The following CD9 variants were observed in gnomAD, a reference collection of about 807,000 sequenced individuals.
CD9 encodes CD9 molecule.
CD9 carries 10 observed loss-of-function variants against 31.4 expected under a neutral mutation model. That is an observed-to-expected ratio of 0.32 (90% confidence interval 0.20 to 0.54). The LOEUF (loss-of-function observed/expected upper bound fraction) is 0.54, where lower values mean the gene tolerates loss of function less well. CD9 is among the 20% of genes least tolerant of loss of function. The pLI is 0.94. For synonymous variants in CD9, 113 were observed against 114.1 expected (o/e 0.99, Z 0.06); for missense variants, 259 against 300.1 (o/e 0.86, Z 1.01).
chr12:6,216,786 C>T (rs74881391), intron 1 of CD9, among the ~76,000 whole-genome samples: 1,687 of 152,298 alleles, frequency 0.011, 16 homozygotes, highest in Admixed American at 0.018. Context: ...TAAATTCCCC[C>T]GCTGCCACCC....
chr12:6,235,172 T>C, intron 4 of CD9, 57 bp from the exon 5 acceptor site: 2 of 1,225,916 alleles, frequency 1.6e-6, no homozygotes, highest in Non-Finnish European at 2.4e-6. Context: ...TAACATTTGT[T>C]CGTGGAGGAA....
intron 7 of CD9, among the ~76,000 whole-genome samples, chr12:6,237,033 C>T (rs1032107067): frequency 2.6e-5 from 4 of 152,118 alleles, no homozygotes; most frequent in African/African-American, 9.7e-5. Flanking sequence ...GGCTGGAGTG[C>T]AGTGGTGTGA....
intron 3 of CD9, chr12:6,233,189 C>A (rs554384020): frequency 4.7e-6 from 3 of 642,890 alleles, no homozygotes; most frequent in Non-Finnish European, 8.4e-6. Context: ...GTGCTCAGCT[C>A]TTTCCTCATG....
chr12:6,225,431 C>G lies in CD9; in HGVS notation c.72C>G (p.Ala24=). The change falls in exon 2 of 8, where the codon GCC becomes GCG. Residue 24 remains alanine (A), a synonymous_variant. Transcript: ENST00000009180. The part of the protein sequence containing the change: ...LFGFNFIFWL[A]GIAVLAIGLW... ...ATGTCCTGTATGTCTTGCAGCTTGC[C>G]GGGATTGCTGTCCTTGCCATTGGAC... is the stretch of plus-strand genomic sequence containing the variant. 1.2e-6 allele frequency: 2 copies of G among 1,610,948 alleles called. No individual in the cohort carries two copies. Among genetic ancestry groups the G allele is most frequent in the Non-Finnish European group, 1.7e-6 (2 of 1,177,112 alleles).
At chr12:6,237,102 C>T (rs1270036165) in intron 7 of CD9, among the ~76,000 whole-genome samples, 1 of 152,180 alleles carries the variant, frequency 6.6e-6, no homozygotes, top group African/African-American at 2.4e-5. Context: ...GCCTCAGCCT[C>T]CCGAGTAGCT....
chr12:6,205,394 C>G (rs112839897), intron 1 of CD9, among the ~76,000 whole-genome samples: 7 of 152,310 alleles, frequency 4.6e-5, no homozygotes, highest in African/African-American at 1.7e-4. Context: ...GATTCCAGAC[C>G]CTGCTCTATT....
chr12:6,232,958 C>T lies in CD9; in HGVS notation c.273+229C>T, dbSNP rs1257637603. The stretch of plus-strand genomic sequence containing the variant: ...CTAGGCAACTAAAAGGACTATGTTT[C>T]CCCCTTTTCTCGAGGACCACGTTTG... On this transcript the variant is annotated intron_variant, in intron 3 of 7. Transcript: ENST00000009180. The surrounding 1 kb of genome is among the most constrained non-coding windows in gnomAD (Gnocchi z 4.8). 1.4e-6 allele frequency: 1 copy of T among 702,474 alleles called. No individual in the cohort carries two copies. Among genetic ancestry groups the T allele is most frequent in the Non-Finnish European group, 2.6e-6 (1 of 384,874 alleles). The allele number at this position is 702,474 out of a possible 1,614,324, so 43.5% of individuals were successfully genotyped here.
intron 1 of CD9, among the ~76,000 whole-genome samples, chr12:6,219,699 A>C (rs1332124179): frequency 3.3e-5 from 5 of 151,068 alleles, no homozygotes; most frequent in Non-Finnish European, 7.4e-5. Flanking sequence ...GTTAGCCAGG[A>C]TGGTCTCCAT....
At chr12:6,229,840 G>A (rs1465570375) in intron 2 of CD9, among the ~76,000 whole-genome samples, 1 of 148,730 alleles carries the variant, frequency 6.7e-6, no homozygotes, top group Non-Finnish European at 1.5e-5. Context: ...TTTTTTTCTG[G>A]GCCTGTAATG....
At chr12:6,202,464 G>T (rs149890878) in intron 1 of CD9, among the ~76,000 whole-genome samples, 2 of 152,194 alleles carry the variant, frequency 1.3e-5, no homozygotes, top group Non-Finnish European at 2.9e-5. Flanking sequence ...AGTCTCTCCC[G>T]GCTGGTGTGT....
intron 2 of CD9, among the ~76,000 whole-genome samples, chr12:6,228,626 C>G (rs921745813): frequency 3.3e-5 from 5 of 151,646 alleles, no homozygotes; most frequent in African/African-American, 4.8e-5. Context: ...GAGCTATGCC[C>G]TGAACGTCAC....
At chr12:6,209,675 A>ATTT (rs1946171022) in intron 1 of CD9, among the ~76,000 whole-genome samples, 1 of 130,444 alleles carries the variant, frequency 7.7e-6, no homozygotes, top group African/African-American at 2.9e-5. Flanking sequence ...CAGACTGCAA[A>ATTT]TTTCTTTTTT....
intron 1 of CD9, among the ~76,000 whole-genome samples, chr12:6,210,595 G>C (rs1402228125): frequency 6.6e-6 from 1 of 152,180 alleles, no homozygotes; most frequent in Non-Finnish European, 1.5e-5. Context: ...CCTTCCTTCC[G>C]GTGCAGATGG....
chr12:6,236,851 C>G (rs1946529700), intron 7 of CD9: 1 of 219,536 alleles, frequency 4.6e-6, no homozygotes, highest in Non-Finnish European at 8.9e-6. Flanking sequence ...TGCCTCTGCC[C>G]TCTTGCCAGA....
At position 6,230,743 on chromosome 12, in the gene CD9, G is replaced by A. The variant is rs141929519; in HGVS notation, c.176-1889G>A. Reference sequence around the variant, plus strand: ...AAGCCCAGCTTGTGGCCTCAACAGCGTTTGACTGCCCAGGAAGATGCGACC... The same window carrying A: ...AAGCCCAGCTTGTGGCCTCAACAGCATTTGACTGCCCAGGAAGATGCGACC... On this transcript the variant is annotated intron_variant, in intron 2 of 7. Transcript: ENST00000009180. Among the ~76,000 whole-genome samples, 10 of 152,354 alleles carry A rather than the reference G, an allele frequency of 6.6e-5. No individual in the cohort carries two copies. The East Asian group carries it at 1.2e-3, about 18-fold the overall frequency.
At chr12:6,214,496 G>A (rs1251626575) in intron 1 of CD9, among the ~76,000 whole-genome samples, 1 of 151,642 alleles carries the variant, frequency 6.6e-6, no homozygotes, top group African/African-American at 2.4e-5. Flanking sequence ...ACAGGCGTGT[G>A]CCACCATTCC....
chr12:6,208,692 C>T lies in CD9; in HGVS notation c.66+8127C>T, dbSNP rs549873470. On this transcript the variant is annotated intron_variant, in intron 1 of 7. Transcript: ENST00000009180. The stretch of plus-strand genomic sequence containing the variant: ...GTTCAAGCCATTCTCCTGCCTCAGC[C>T]TCCTGAGTAGTTGGGATTACAGGGG... Among the ~76,000 whole-genome samples, 240 of 152,118 alleles carry T rather than the reference C, an allele frequency of 1.6e-3. 2 individuals carry two copies. The highest frequency in any genetic ancestry group is 5.4e-3 in the African/African-American group (226 of 41,474).
chr12:6,224,535 C>T (rs983787690), intron 1 of CD9, among the ~76,000 whole-genome samples: 3 of 152,194 alleles, frequency 2.0e-5, no homozygotes, highest in African/African-American at 7.2e-5. Context: ...CTATCAATAG[C>T]TCCTGGAGCC....
At chr12:6,237,727 A>C in intron 7 of CD9, 36 bp from the exon 8 acceptor site, 1 of 1,545,288 alleles carries the variant, frequency 6.5e-7, no homozygotes, top group Non-Finnish European at 8.9e-7. Flanking sequence ...TTCAGATCAA[A>C]CCACCCTGAT....
Sources: gnomAD v4.1 joint callset for allele counts (sites outside exome capture counted in the v4.1 genomes callset) on GRCh38, gnomAD v4.1.1 for gene constraint, Gnocchi (gnomAD v3.1) non-coding constraint, MANE v1.5 for transcripts, NCBI Gene and HGNC (gene_info 2026-07-23, HGNC 2026-07-21) for gene names.